Variants in OR1J2 observed in about 807,000 individuals in gnomAD.
The protein encoded by OR1J2 is olfactory receptor 1J2.
For missense variants in OR1J2, 304 were observed against 246.1 expected (o/e 1.24, Z -1.57); for synonymous variants, 142 against 99.7 (o/e 1.42, Z -2.52).
At chr9:122,579,095 T>C in the OR1J2 span, among the ~76,000 whole-genome samples, 3 of 152,062 alleles carry the variant, frequency 2.0e-5, no homozygotes, top group African/African-American at 7.2e-5. Context: ...CAAGAATATA[T>C]GTACAAGGAT....
At chr9:122,571,163 TG>T in the OR1J2 span, among the ~76,000 whole-genome samples, 2 of 152,304 alleles carry the variant, frequency 1.3e-5, no homozygotes, top group East Asian at 3.9e-4. Flanking sequence ...CTCTTGCAGC[TG>T]TAAGGGTGAT....
chr9:122,513,294 A>T (rs1828661730), downstream of OR1J2, among the ~76,000 whole-genome samples: 1 of 152,242 alleles, frequency 6.6e-6, no homozygotes, highest in African/African-American at 2.4e-5. Flanking sequence ...GGCATTGGTG[A>T]TGGCTTAAAC....
At chr9:122,504,478 G>T in the OR1J2 span, among the ~76,000 whole-genome samples, 4 of 152,108 alleles carry the variant, frequency 2.6e-5, no homozygotes, top group Non-Finnish European at 5.9e-5. Context: ...TTGGTCAGAG[G>T]AGTATTATAA....
At chr9:122,475,406 G>A in the OR1J2 span, among the ~76,000 whole-genome samples, 1 of 152,080 alleles carries the variant, frequency 6.6e-6, no homozygotes, top group African/African-American at 2.4e-5. Context: ...CAAAAGCAGG[G>A]GATATATATG....
the OR1J2 span, among the ~76,000 whole-genome samples, chr9:122,575,717 G>C: frequency 6.6e-6 from 1 of 152,162 alleles, no homozygotes; most frequent in Non-Finnish European, 1.5e-5. Flanking sequence ...TTATGAAGCA[G>C]ATTAACATAT....
the OR1J2 span, among the ~76,000 whole-genome samples, chr9:122,449,882 A>G: frequency 6.6e-6 from 1 of 152,132 alleles, no homozygotes; most frequent in Non-Finnish European, 1.5e-5. Flanking sequence ...TCAAGTCCTC[A>G]GGTTTTCTTG....
chr9:122,506,184 G>A (rs1197397269), upstream of OR1J2, among the ~76,000 whole-genome samples: 1 of 151,924 alleles, frequency 6.6e-6, no homozygotes, highest in Non-Finnish European at 1.5e-5. Context: ...AACCTCCCTA[G>A]GATTTATCCA....
chr9:122,575,417 A>G, the OR1J2 span, among the ~76,000 whole-genome samples: 1 of 152,106 alleles, frequency 6.6e-6, no homozygotes, highest in South Asian at 2.1e-4. Context: ...GCATTTTGAC[A>G]TATTGTTGAC....
chr9:122,453,396 T>G, the OR1J2 span, among the ~76,000 whole-genome samples: 1 of 152,196 alleles, frequency 6.6e-6, no homozygotes, highest in African/African-American at 2.4e-5. Flanking sequence ...AAAAGTCATT[T>G]CCACTTGCCA....
chr9:122,530,787 C>T, the OR1J2 span, among the ~76,000 whole-genome samples: 1 of 152,070 alleles, frequency 6.6e-6, no homozygotes, highest in South Asian at 2.1e-4. Flanking sequence ...CTCTGGCGGG[C>T]AGGAGTGGGG....
At chr9:122,451,778 T>A in the OR1J2 span, among the ~76,000 whole-genome samples, 138 of 152,356 alleles carry the variant, frequency 9.1e-4, no homozygotes, top group African/African-American at 3.2e-3. Context: ...CATTTTCTCA[T>A]ACACATTTCC....
the OR1J2 span, among the ~76,000 whole-genome samples, chr9:122,565,698 G>GT: frequency 1.1e-4 from 16 of 152,346 alleles, no homozygotes; most frequent in African/African-American, 3.8e-4. Flanking sequence ...CTGACAGGTA[G>GT]TTTTTAACTT....
At chr9:122,489,114 C>T in the OR1J2 span, among the ~76,000 whole-genome samples, 1 of 150,576 alleles carries the variant, frequency 6.6e-6, no homozygotes, top group Non-Finnish European at 1.5e-5. Context: ...ATGAGATCGA[C>T]AAAACCGTCC....
At chr9:122,555,268 A>G in the OR1J2 span, among the ~76,000 whole-genome samples, 1 of 152,174 alleles carries the variant, frequency 6.6e-6, no homozygotes. Context: ...AATATTGCTT[A>G]AGGATCTTCC....
At chr9:122,484,009 G>A in the OR1J2 span, among the ~76,000 whole-genome samples, 1 of 152,060 alleles carries the variant, frequency 6.6e-6, no homozygotes, top group Non-Finnish European at 1.5e-5. Flanking sequence ...GTATATATCA[G>A]TAATATATAT....
At chr9:122,551,606 A>G in the OR1J2 span, among the ~76,000 whole-genome samples, 1 of 152,172 alleles carries the variant, frequency 6.6e-6, no homozygotes, top group Non-Finnish European at 1.5e-5. Flanking sequence ...AGGCTGAAGT[A>G]CACTGCATTG....
chr9:122,527,729 C>A, the OR1J2 span, among the ~76,000 whole-genome samples: 10 of 152,138 alleles, frequency 6.6e-5, no homozygotes, highest in African/African-American at 2.4e-4. Flanking sequence ...ATATGAAGGA[C>A]TCATGCCTCT....
the OR1J2 span, among the ~76,000 whole-genome samples, chr9:122,550,719 T>C: frequency 1.3e-5 from 2 of 151,922 alleles, no homozygotes; most frequent in East Asian, 1.9e-4. Flanking sequence ...ATAAAAATGC[T>C]CAACAAACTA....
the OR1J2 span, among the ~76,000 whole-genome samples, chr9:122,490,981 CATT>C: frequency 6.6e-6 from 1 of 152,056 alleles, no homozygotes; most frequent in African/African-American, 2.4e-5. Context: ...CAAAGAGACT[CATT>C]AGGAGAAGAT....
Sources: allele counts gnomAD v4.1 joint callset (sites outside exome capture counted in the v4.1 genomes callset), GRCh38; gene constraint gnomAD v4.1.1; transcripts MANE v1.5; gene names NCBI Gene and HGNC (gene_info 2026-07-23, HGNC 2026-07-21).